Variants in MYH11 observed in about 807,000 individuals in gnomAD.
The protein encoded by MYH11 is myosin-11.
MYH11 carries 80 observed loss-of-function variants against 246.6 expected under a neutral mutation model. That is an observed-to-expected ratio of 0.32 (90% CI 0.27 to 0.39). The LOEUF (loss-of-function observed/expected upper bound fraction) is 0.39, where lower values mean the gene tolerates loss of function less well. Ranked by LOEUF, MYH11 falls within the 10% of genes least tolerant of loss-of-function variation. MYH11 has a pLI of 1.00. For synonymous variants in MYH11, 1,071 were observed against 1,015.5 expected (o/e 1.05, Z -1.04); for missense variants, 2,158 against 2,546.8 (o/e 0.85, Z 3.29).
intron 1 of MYH11, among the ~76,000 whole-genome samples, chr16:15,848,509 C>CCCCCCAA (rs2044255462): frequency 6.6e-6 from 1 of 152,140 alleles, no homozygotes; most frequent in African/African-American, 2.4e-5. Context: ...GCTGGGATTA[C>CCCCCCAA]AGGCGTGAGC....
At chr16:15,786,261 G>T in intron 5 of MYH11, 1 of 389,530 alleles carries the variant, frequency 2.6e-6, no homozygotes, top group Non-Finnish European at 4.9e-6. Flanking sequence ...CGAGGCCAGG[G>T]ATGTTGTGAA....
rs906679954 is a variant in MYH11 at position 15,741,537 on chromosome 16, C to A, written c.2785G>T (p.Ala929Ser). 47 of 1,610,344 alleles carry A rather than the reference C, an allele frequency of 2.9e-5. No individual in the cohort carries two copies. Among genetic ancestry groups the A allele is most frequent in the Middle Eastern group, 1.6e-4 (1 of 6,084 alleles). Residue 929 changes from alanine (A) to serine (S), a missense_variant, in exon 22 of 41, where the codon GCC becomes TCC. Physicochemically the swap from Ala to Ser is moderately conservative, Grantham distance 99. Transcript: ENST00000300036. ...ELEEILHEME[A>S]RLEEEEDRGQ... ...CTGTCTTCCTCCTCCTCCAGGCGGG[C>A]CTCCATCTCATGCAGTATCTCCTCC...
Position 15,802,649 on chromosome 16 carries a change from A to C in MYH11, c.503-3962T>G, listed in dbSNP as rs191333199. On this transcript the variant is annotated intron_variant, in intron 3 of 40. Transcript: ENST00000300036. Reference sequence around the variant, plus strand: ...TTTTTTGTAGAGATTGGGTCTTGCTATGTTGCCCAGGCTGGTTTCACACTC... The same window carrying C: ...TTTTTTGTAGAGATTGGGTCTTGCTCTGTTGCCCAGGCTGGTTTCACACTC... Among the ~76,000 whole-genome samples, 351 of 152,166 alleles carry C rather than the reference A, an allele frequency of 2.3e-3. 2 individuals are homozygous for C. The highest frequency in any genetic ancestry group is 4.0e-3 in the Non-Finnish European group (270 of 67,990).
chr16:15,800,047 G>C (rs77050434), intron 3 of MYH11, among the ~76,000 whole-genome samples: 8,423 of 151,290 alleles, frequency 0.056, 730 homozygotes, highest in African/African-American at 0.19. Flanking sequence ...TGGATGAATA[G>C]ACAGATGGAC....
In MYH11 at chr16:15,703,831, T is replaced by C. The variant is rs773950514; in HGVS notation, c.*160A>G. On this transcript the variant is annotated 3_prime_UTR_variant, in exon 41 of 41. Transcript: ENST00000300036. ...GGTGGTGGTTTTTATATTCCTTGTG[T>C]GAGGGGTGTCTGTGATATTTGGAAT... is the stretch of plus-strand genomic sequence containing the variant. 7 of 958,472 alleles carry C rather than the reference T, an allele frequency of 7.3e-6. No individual in the cohort carries two copies. In the African/African-American group the frequency reaches 1.1e-4, roughly 15 times the overall value. 59.4% of individuals were successfully genotyped at this position (958,472 alleles called of 1,614,324 possible). A position where few individuals can be genotyped will look rare whatever the true frequency, so the allele number is the denominator to read the frequency against.
intron 3 of MYH11, among the ~76,000 whole-genome samples, chr16:15,806,270 ACT>A (rs1306339538): frequency 1.4e-4 from 16 of 116,260 alleles, no homozygotes; most frequent in African/African-American, 4.1e-4. Flanking sequence ...GCAGTGAGAC[ACT>A]CTGTCTCAAA....
intron 2 of MYH11, among the ~76,000 whole-genome samples, chr16:15,828,195 A>G (rs777271199): frequency 1.2e-4 from 19 of 152,118 alleles, no homozygotes; most frequent in Non-Finnish European, 2.5e-4. Flanking sequence ...CATCTACAAA[A>G]CAGGGAGGCA....
intron 3 of MYH11, among the ~76,000 whole-genome samples, chr16:15,822,302 G>C (rs1388789067): frequency 6.6e-6 from 1 of 152,104 alleles, no homozygotes; most frequent in Non-Finnish European, 1.5e-5. Context: ...CGCCTGACCT[G>C]GTACACTTGT....
At chr16:15,754,229 T>A (rs2041653941) in intron 14 of MYH11, among the ~76,000 whole-genome samples, 1 of 151,800 alleles carries the variant, frequency 6.6e-6, no homozygotes, top group South Asian at 2.1e-4. Context: ...AATAATTAAA[T>A]AAATAAATTA....
chr16:15,837,973 T>C lies in MYH11; in HGVS notation c.280A>G (p.Thr94Ala). 6.2e-7 allele frequency: 1 copy of C among 1,614,150 alleles called. No individual in the cohort carries two copies. The highest frequency in any genetic ancestry group is 8.5e-7 in the Non-Finnish European group (1 of 1,180,038). ...FSKVEDMAEL[T>A]CLNEASVLHN... ...AGCACGGAGGCTTCGTTGAGGCACG[T>C]CAGCTCCGCCATGTCCTCCACCTTG... is the stretch of plus-strand genomic sequence containing the variant. The change falls in exon 2 of 41, where the codon ACG becomes GCG. Residue 94 changes from threonine to alanine, a missense_variant. Transcript: ENST00000300036.
At chr16:15,788,077 C>CTTT (rs1555569336) in intron 4 of MYH11, among the ~76,000 whole-genome samples, 928 of 55,368 alleles carry the variant, frequency 0.017, 138 homozygotes, top group African/African-American at 0.056. Flanking sequence ...GAAGGTAGAT[C>CTTT]TTTTTTTTTT....
intron 3 of MYH11, among the ~76,000 whole-genome samples, chr16:15,815,432 C>T (rs1273087181): frequency 6.6e-6 from 1 of 151,692 alleles, no homozygotes; most frequent in Non-Finnish European, 1.5e-5. Flanking sequence ...ATTTAAAACG[C>T]AATGGAAGGG....
chr16:15,813,215 T>C (rs996566830), intron 3 of MYH11, among the ~76,000 whole-genome samples: 2 of 151,814 alleles, frequency 1.3e-5, no homozygotes, highest in Admixed American at 1.3e-4. Flanking sequence ...TAGCTGAGCA[T>C]GGTGGTACAT....
intron 1 of MYH11, among the ~76,000 whole-genome samples, chr16:15,853,350 C>T (rs1444346878): frequency 6.6e-6 from 1 of 152,082 alleles, no homozygotes; most frequent in Non-Finnish European, 1.5e-5. Flanking sequence ...TGGTGCCTCG[C>T]TATGTTGCCC....
At chr16:15,772,891 T>C (rs542066857) in intron 8 of MYH11, among the ~76,000 whole-genome samples, 12 of 152,232 alleles carry the variant, frequency 7.9e-5, no homozygotes, top group Middle Eastern at 3.4e-3. Flanking sequence ...CTTATAACAC[T>C]CTAATGCCTG....
At chr16:15,763,741 T>TCCGCCCCCCC in intron 10 of MYH11, 55 bp downstream of exon 10, 4 of 646,852 alleles carry the variant, frequency 6.2e-6, no homozygotes, top group Non-Finnish European at 2.9e-6. Context: ...AAATGTCACC[T>TCCGCCCCCCC]CCCCCACCCC....
In MYH11 at chr16:15,852,339, T is replaced by TTC. The variant is rs1352610848; in HGVS notation, c.-18+4601_-18+4602insGA. On this transcript the variant is annotated intron_variant, in intron 1 of 40. Transcript: ENST00000300036. ...CAAGTTGCAATTTGCAATGCCTTTT[T>TTC]TTTTTTTTTTTTGAGACCGAGTCTC... Among the ~76,000 whole-genome samples the TTC allele has an allele frequency of 9.5e-4, 143 of 150,118 alleles. 2 individuals carry two copies. Among genetic ancestry groups the TTC allele is most frequent in the Non-Finnish European group, 1.5e-4 (10 of 67,350 alleles).
intron 24 of MYH11, among the ~76,000 whole-genome samples, 172 bp from the exon 25 acceptor site, chr16:15,737,792 A>G (rs1268900658): frequency 6.6e-6 from 1 of 152,238 alleles, no homozygotes; most frequent in East Asian, 1.9e-4. Context: ...TTATATTGTC[A>G]TAATATTATT....
chr16:15,743,474 G>T (rs192078464), intron 20 of MYH11, among the ~76,000 whole-genome samples: 1 of 152,116 alleles, frequency 6.6e-6, no homozygotes, highest in East Asian at 1.9e-4. Context: ...TGGCTAAGAC[G>T]ATTTTCTTAG....
Sources: allele counts gnomAD v4.1 joint callset (sites outside exome capture counted in the v4.1 genomes callset), GRCh38; gene constraint gnomAD v4.1.1; transcripts MANE v1.5; gene names NCBI Gene and HGNC (gene_info 2026-07-23, HGNC 2026-07-21).